The following PLCH1 variants were observed in gnomAD, a reference collection of about 807,000 sequenced individuals.
PLCH1 encodes 1-phosphatidylinositol 4,5-bisphosphate phosphodiesterase eta-1.
PLCH1 carries 60 observed loss-of-function variants against 126.7 expected under a neutral mutation model. That is an observed-to-expected ratio of 0.47 (90% CI 0.38 to 0.59). PLCH1 has a LOEUF of 0.59. Ranked by LOEUF, PLCH1 falls within the 20% of genes least tolerant of loss-of-function variation. The pLI is 0.00. For synonymous variants in PLCH1, 719 were observed against 734.9 expected (o/e 0.98, Z 0.35); for missense variants, 1,723 against 2,040.0 (o/e 0.84, Z 2.99).
At chr3:155,685,339 A>C (rs2109025078) in intron 2 of PLCH1, among the ~76,000 whole-genome samples, 1 of 152,370 alleles carries the variant, frequency 6.6e-6, no homozygotes, top group East Asian at 1.9e-4. Context: ...ACTAATGGAC[A>C]GTTCCCTTGG....
chr3:155,565,845 G>A (rs974195363), intron 7 of PLCH1, among the ~76,000 whole-genome samples: 6 of 151,352 alleles, frequency 4.0e-5, no homozygotes, highest in African/African-American at 1.2e-4. Context: ...ACAGGCATGC[G>A]CCACTGCGTG....
chr3:155,725,427 T>C (rs544437389), intron 1 of PLCH1, among the ~76,000 whole-genome samples: 12 of 151,284 alleles, frequency 7.9e-5, no homozygotes, highest in African/African-American at 2.9e-4. Flanking sequence ...CTTTTAAACA[T>C]TCTGTATCCT....
chr3:155,544,135 GA>G (rs1469302012), intron 10 of PLCH1, among the ~76,000 whole-genome samples: 1 of 152,004 alleles, frequency 6.6e-6, no homozygotes, highest in Non-Finnish European at 1.5e-5. Context: ...CTGTATTCAG[GA>G]AACCCATCTC....
At position 155,596,350 on chromosome 3, in the gene PLCH1, G is replaced by A. The variant is rs533038760; in HGVS notation, c.108C>T (p.Ser36=). ...GTTTCAGCTTGATCATCTGTGTCCC[G>A]GACTGCATCACACTCATGCATCTTT... ...HVERCMSVMQ[S]GTQMIKLKRG... is the part of the protein sequence containing the mutation. The change falls in exon 3 of 23, where the codon TCC becomes TCT. Residue 36 remains serine, a synonymous_variant. Transcript: ENST00000460012. The A allele has an allele frequency of 1.5e-5, 24 of 1,612,976 alleles. No individual in the cohort carries two copies. The highest frequency in any genetic ancestry group is 5.3e-5 in the African/African-American group (4 of 74,940).
rs745598435 is a variant in PLCH1, at chr3:155,596,167, C to T, written c.226+65G>A. On this transcript the variant is annotated intron_variant, in intron 3 of 22. Coordinates refer to ENST00000460012, the MANE Select transcript of PLCH1 (RefSeq NM_014996.4). ...TTCCACAGATCTGAAGCTTCAAGAG[C>T]CCACTCAGTATAACCCGTGTGTTAC... 4 of 1,180,244 alleles carry T rather than the reference C, an allele frequency of 3.4e-6. No homozygotes were observed. The South Asian group carries it at 5.7e-5, about 17-fold the overall frequency. The allele number at this position is 1,180,244 out of a possible 1,614,324, so 73.1% of individuals were successfully genotyped here.
At chr3:155,531,423 G>GC (rs1450558940) in intron 10 of PLCH1, among the ~76,000 whole-genome samples, 1 of 152,148 alleles carries the variant, frequency 6.6e-6, no homozygotes, top group Non-Finnish European at 1.5e-5. Context: ...CCAGGAGTTC[G>GC]AGACCAGCCT....
At chr3:155,550,993 A>G (rs948577711) in intron 9 of PLCH1, among the ~76,000 whole-genome samples, 1 of 152,146 alleles carries the variant, frequency 6.6e-6, no homozygotes, top group Non-Finnish European at 1.5e-5. Flanking sequence ...TTACTCGACT[A>G]CAATCTGTTT....
At chr3:155,679,845 T>A (rs1485866397) in intron 2 of PLCH1, among the ~76,000 whole-genome samples, 1 of 152,192 alleles carries the variant, frequency 6.6e-6, no homozygotes, top group African/African-American at 2.4e-5. Context: ...GAGATTCAAG[T>A]CTGAGAAGAT....
At chr3:155,516,005 A>G (rs891911870) in intron 11 of PLCH1, among the ~76,000 whole-genome samples, 20 of 152,332 alleles carry the variant, frequency 1.3e-4, no homozygotes, top group African/African-American at 4.1e-4. Flanking sequence ...CCTAAGGAAA[A>G]ATTTCAAAAA....
At chr3:155,528,911 GC>G (rs1722305512) in intron 10 of PLCH1, among the ~76,000 whole-genome samples, 1 of 152,150 alleles carries the variant, frequency 6.6e-6, no homozygotes, top group Non-Finnish European at 1.5e-5. Context: ...AAAAGACCTG[GC>G]ATTATCAGAG....
At chr3:155,658,976 G>C (rs6441007) in intron 2 of PLCH1, among the ~76,000 whole-genome samples, 23,594 of 152,206 alleles carry the variant, frequency 0.16, 1,913 homozygotes, top group Middle Eastern at 0.22. Flanking sequence ...AACTTAACTG[G>C]TTGACATGAG....
chr3:155,477,914 G>C (rs1417451119), downstream of PLCH1, among the ~76,000 whole-genome samples: 2 of 152,090 alleles, frequency 1.3e-5, no homozygotes, highest in Admixed American at 1.3e-4. Flanking sequence ...CCAAAAGAAA[G>C]GAAATCATTA....
intron 5 of PLCH1, among the ~76,000 whole-genome samples, chr3:155,585,581 C>T (rs531442235): frequency 6.6e-6 from 1 of 152,118 alleles, no homozygotes; most frequent in African/African-American, 2.4e-5. Flanking sequence ...ATCTAACCAA[C>T]AAGGAGTTGA....
rs141775600 is a variant in PLCH1 at position 155,468,802 on chromosome 3, G to T, written c.2938+16554C>A. Among the ~76,000 whole-genome samples, 559 of 152,194 alleles carry T rather than the reference G, an allele frequency of 3.7e-3. 2 individuals carry two copies. The highest frequency in any genetic ancestry group is 5.9e-3 in the Non-Finnish European group (404 of 67,994). On this transcript the variant is annotated intron_variant, in intron 21 of 21. Transcript: ENST00000494598. ...GTTATTAGAGGTAAAGAGAGAGCTAGGCCCCAATACAATAGTAGTGGGAGA... is the reference window on the plus strand; with the variant it reads ...GTTATTAGAGGTAAAGAGAGAGCTATGCCCCAATACAATAGTAGTGGGAGA...
At chr3:155,627,466 C>T (rs7649432) in intron 2 of PLCH1, among the ~76,000 whole-genome samples, 73,647 of 151,290 alleles carry the variant, frequency 0.49, 20,272 homozygotes, top group African/African-American at 0.74. Context: ...CCGTCTCTAC[C>T]AAAAATACAA....
intron 7 of PLCH1, 143 bp downstream of exon 7, chr3:155,568,088 T>A (rs957677405): frequency 3.7e-6 from 2 of 545,420 alleles, no homozygotes; most frequent in Non-Finnish European, 6.6e-6. Context: ...GGAAAATATA[T>A]GTGTGTTGTA....
chr3:155,476,372 T>A (rs1326534257), downstream of PLCH1, among the ~76,000 whole-genome samples: 1 of 152,114 alleles, frequency 6.6e-6, no homozygotes, highest in East Asian at 1.9e-4. Context: ...GCCTTTCCTC[T>A]AAGATCTGGA....
chr3:155,654,152 T>C (rs1741096388), intron 2 of PLCH1, among the ~76,000 whole-genome samples: 1 of 151,454 alleles, frequency 6.6e-6, no homozygotes, highest in Admixed American at 6.6e-5. Context: ...GAACATACCC[T>C]TCTCCTTGAA....
At chr3:155,597,564 G>A (rs968742830) in intron 2 of PLCH1, among the ~76,000 whole-genome samples, 4 of 152,144 alleles carry the variant, frequency 2.6e-5, no homozygotes, top group African/African-American at 9.7e-5. Context: ...GCAGTATGCT[G>A]TTAGAAACAA....
Sources: allele counts gnomAD v4.1 joint callset (sites outside exome capture counted in the v4.1 genomes callset), GRCh38; gene constraint gnomAD v4.1.1; transcripts MANE v1.5; gene names NCBI Gene and HGNC (gene_info 2026-07-23, HGNC 2026-07-21).